The following ADGRV1 variants were observed in gnomAD, a reference collection of about 807,000 sequenced individuals.
ADGRV1 encodes the protein G-protein coupled receptor 98.
In ADGRV1, 359 loss-of-function variants were observed where a neutral mutation model predicts 596.2. That is an observed-to-expected ratio of 0.60 (90% CI 0.55 to 0.66). ADGRV1 has a LOEUF of 0.66. Ranked by LOEUF, ADGRV1 falls within the 30% of genes least tolerant of loss-of-function variation. The probability of loss-of-function intolerance (pLI) is 0.00; values close to 1 mark genes in which losing one functional copy is unlikely to be tolerated. For synonymous variants in ADGRV1, 2,681 were observed against 2,679.2 expected, an observed-to-expected ratio of 1.00 and a Z score of -0.02; for missense variants, 7,274 against 7,575.6, an observed-to-expected ratio of 0.96 and a Z score of 1.48.
At chr5:91,062,525 C>A (rs1787529483) in intron 85 of ADGRV1, among the ~76,000 whole-genome samples, 1 of 152,124 alleles carries the variant, frequency 6.6e-6, no homozygotes, top group Non-Finnish European at 1.5e-5. Context: ...ACACAGAAAC[C>A]TTATTCCTTC....
Position 90,807,704 on chromosome 5 carries a change from T to C in ADGRV1, c.14939T>C (p.Val4980Ala), listed in dbSNP as rs1465590723. The C allele has an allele frequency of 2.5e-6, 4 of 1,587,304 alleles. No homozygotes were observed. Among genetic ancestry groups the C allele is most frequent in the Admixed American group, 3.4e-5 (2 of 58,494 alleles). ...GCCTTTGTTCTTCACCTATCAGGAGTGCAGAGCAGTGCTCCTGGCGGAGCT... is the reference window on the plus strand; with the variant it reads ...GCCTTTGTTCTTCACCTATCAGGAGCGCAGAGCAGTGCTCCTGGCGGAGCT... ...PEAFVLHLSG[V>A]QSSAPGGAQL... Residue 4980 changes from valine (V) to alanine (A), a missense_variant, in exon 73 of 90, where the codon GTG (valine) becomes GCG (alanine). Physicochemically the swap from Val to Ala is moderately conservative, Grantham distance 64. Around this residue, in one of 5 missense-constraint regions of ADGRV1, gnomAD observed 1,874 missense variants for 1,970.2 expected, o/e 0.95. Coordinates refer to ENST00000405460, the MANE Select transcript of ADGRV1 (RefSeq NM_032119.4).
Position 90,694,565 on chromosome 5 carries a change from A to G in ADGRV1, c.7809A>G (p.Gln2603=). The G allele has an allele frequency of 1.2e-6, 2 of 1,613,862 alleles. No individual in the cohort carries two copies. Among genetic ancestry groups the G allele is most frequent in the Non-Finnish European group, 1.7e-6 (2 of 1,179,806 alleles). Residue 2603 remains glutamine (Q), a synonymous_variant, in exon 33 of 90, where the codon CAA becomes CAG. Coordinates refer to ENST00000405460, the MANE Select transcript of ADGRV1 (RefSeq NM_032119.4). ...GLFVEVQEQP[Q]TLVELMIHRT... ...TTGTTGAAGTTCAGGAGCAGCCCCA[A>G]ACCTTGGTGGAGCTGATGATACACA...
At chr5:90,677,924 CT>C (rs1744452364) in intron 25 of ADGRV1, among the ~76,000 whole-genome samples, 1 of 152,158 alleles carries the variant, frequency 6.6e-6, no homozygotes, top group South Asian at 2.1e-4. Context: ...GAGTCAAGGA[CT>C]TATTTCATGC....
At chr5:90,605,269 G>A (rs966761589) in intron 1 of ADGRV1, among the ~76,000 whole-genome samples, 6 of 152,050 alleles carry the variant, frequency 3.9e-5, no homozygotes, top group Admixed American at 6.6e-5. Context: ...AGAAAAATTA[G>A]CTGGGCGTGG....
intron 89 of ADGRV1, among the ~76,000 whole-genome samples, chr5:91,163,380 C>T (rs1332626917): frequency 6.6e-6 from 1 of 152,188 alleles, no homozygotes; most frequent in Non-Finnish European, 1.5e-5. Flanking sequence ...GACCTCAGTG[C>T]ATATGAATTC....
Position 90,788,257 on chromosome 5 carries a change from C to A in ADGRV1, c.13840C>A (p.Leu4614Ile). ...VEETFIIKLHLVKGEAKLDSR... is the reference protein window; with the variant it reads ...VEETFIIKLHIVKGEAKLDSR... ...AGAGACATTCATTATTAAACTTCATCTTGTGAAAGGAGAAGCTAAATTAGA... is the reference window on the plus strand; with the variant it reads ...AGAGACATTCATTATTAAACTTCATATTGTGAAAGGAGAAGCTAAATTAGA... The change falls in exon 68 of 90, where the codon CTT (leucine) becomes ATT (isoleucine). Residue 4614 changes from leucine to isoleucine, a missense_variant. Around this residue, in one of 5 missense-constraint regions of ADGRV1, gnomAD observed 3,643 missense variants for 3,809.2 expected, o/e 0.96. Coordinates refer to ENST00000405460, the MANE Select transcript of ADGRV1 (RefSeq NM_032119.4). 1 of 1,612,480 alleles carries A rather than the reference C, an allele frequency of 6.2e-7. No homozygotes were observed. Among genetic ancestry groups the A allele is most frequent in the Middle Eastern group, 1.7e-4 (1 of 6,052 alleles).
At chr5:91,137,342 T>C (rs1162868838) in intron 87 of ADGRV1, among the ~76,000 whole-genome samples, 2 of 152,148 alleles carry the variant, frequency 1.3e-5, no homozygotes. Flanking sequence ...AAATTTTCTG[T>C]TGGGAAAGTA....
rs1406349587 is a variant in ADGRV1, at chr5:90,691,027, C to G, written c.6937C>G (p.Pro2313Ala). The G allele has an allele frequency of 3.1e-6, 5 of 1,613,378 alleles. No homozygotes were observed. The Admixed American group carries it at 6.7e-5, about 22-fold the overall frequency. Residue 2313 changes from proline to alanine, a missense_variant, in exon 31 of 90, where the codon CCG becomes GCG. This residue lies in a region of ADGRV1 where 3,643 missense variants were observed against 3,809.2 expected (regional missense o/e 0.96). Coordinates refer to ENST00000405460, the MANE Select transcript of ADGRV1 (RefSeq NM_032119.4). ...GTTAGAGGTCCTGGCTGACGACGTT[C>G]CGGAGATTGAAGAGGTGAGAGGACT... Reference protein sequence around the residue: ...LLLEVLADDVPEIEEVIQVQL... With the variant: ...LLLEVLADDVAEIEEVIQVQL...
rs546022351 is a variant in ADGRV1, at chr5:90,847,770, G to A, written c.17020-867G>A. ...GCAGGGCTGGCTGGCCGCTGAATGC[G>A]GGGCCCACTGAGCCCACGCCCACCC... On this transcript the variant is annotated intron_variant, in intron 78 of 89. Coordinates refer to ENST00000405460, the MANE Select transcript of ADGRV1 (RefSeq NM_032119.4). Among the ~76,000 whole-genome samples the A allele has an allele frequency of 7.2e-5, 11 of 152,310 alleles. No individual in the cohort carries two copies. In the South Asian group the frequency reaches 1.2e-3, roughly 17 times the overall value.
rs755946315 is a variant in ADGRV1 at position 91,164,199 on chromosome 5, A to G, written c.*299A>G. 31 of 404,408 alleles carry G rather than the reference A, an allele frequency of 7.7e-5. No homozygotes were observed. The highest frequency in any genetic ancestry group is 1.2e-4 in the African/African-American group (6 of 48,848). 25.1% of individuals were successfully genotyped at this position (404,408 alleles called of 1,614,324 possible). ...CATTGTTTAATGAAAGTAATAATCA[A>G]TAAAGCAATAGAATCTATTTGGTAT... On this transcript the variant is annotated 3_prime_UTR_variant, in exon 90 of 90. Coordinates refer to ENST00000405460, the MANE Select transcript of ADGRV1 (RefSeq NM_032119.4).
intron 1 of ADGRV1, among the ~76,000 whole-genome samples, chr5:90,570,013 ATC>A (rs890988058): frequency 1.1e-4 from 16 of 152,124 alleles, no homozygotes; most frequent in Admixed American, 1.0e-3. Flanking sequence ...TTTTATATTT[ATC>A]TGTCATGTGA....
At position 90,697,114 on chromosome 5, in the gene ADGRV1, A is replaced by G. The variant is rs772116833; in HGVS notation, c.8123A>G (p.Gln2708Arg). The G allele has an allele frequency of 6.2e-7, 1 of 1,613,412 alleles. No individual in the cohort carries two copies. The highest frequency in any genetic ancestry group is 8.5e-7 in the Non-Finnish European group (1 of 1,179,426). ...NDNVAGIVSFQTASRSVIGHE... is the reference protein window; with the variant it reads ...NDNVAGIVSFRTASRSVIGHE... ...AATGTGGCAGGAATTGTTAGCTTTCAGACAGCTTCCAGATCTGTCATAGGT... is the reference window on the plus strand; with the variant it reads ...AATGTGGCAGGAATTGTTAGCTTTCGGACAGCTTCCAGATCTGTCATAGGT... The change falls in exon 34 of 90, where the codon CAG becomes CGG. Residue 2708 changes from glutamine to arginine, a missense_variant. Around this residue, in one of 5 missense-constraint regions of ADGRV1, gnomAD observed 3,643 missense variants for 3,809.2 expected, o/e 0.96. Transcript: ENST00000405460.
chr5:90,964,739 A>G (rs1423719542), intron 83 of ADGRV1, among the ~76,000 whole-genome samples: 6 of 152,024 alleles, frequency 3.9e-5, no homozygotes, highest in African/African-American at 1.4e-4. Flanking sequence ...AAAAAAAAAA[A>G]AAATGCAAAT....
chr5:91,108,722 G>A (rs73189007), intron 87 of ADGRV1, among the ~76,000 whole-genome samples: 6,258 of 151,960 alleles, frequency 0.041, 169 homozygotes, highest in East Asian at 0.13. Flanking sequence ...CCCACAAGTA[G>A]CTGAACTACA....
Position 90,725,534 on chromosome 5 carries a change from A to C in ADGRV1, c.10054-15A>C. On this transcript the variant is annotated splice_polypyrimidine_tract_variant and intron_variant, in intron 47 of 89. Coordinates refer to ENST00000405460, the MANE Select transcript of ADGRV1 (RefSeq NM_032119.4). ...AACTCTCCTTTAAGTTTTCATTCCC[A>C]CTCTGTCCTTGCAGGTACAAACAAT... 1 of 1,317,546 alleles carries C rather than the reference A, an allele frequency of 7.6e-7. No individual in the cohort carries two copies. Among genetic ancestry groups the C allele is most frequent in the South Asian group, 1.2e-5 (1 of 83,760 alleles). The allele number at this position is 1,317,546 out of a possible 1,614,324, so 81.6% of individuals were successfully genotyped here. A position where few individuals can be genotyped will look rare whatever the true frequency, so the allele number is the denominator to read the frequency against.
rs367564586 is a variant in ADGRV1, at chr5:90,817,510, A to G, written c.16196+1774A>G. On this transcript the variant is annotated intron_variant, in intron 75 of 89. Coordinates refer to ENST00000405460, the MANE Select transcript of ADGRV1 (RefSeq NM_032119.4). Reference sequence around the variant, plus strand: ...GCCCATGCCTGTGTCCTGAATGGTAATGCCTAGGTTTTCTTCTAGGGTTTT... The same window carrying G: ...GCCCATGCCTGTGTCCTGAATGGTAGTGCCTAGGTTTTCTTCTAGGGTTTT... 7.3e-5 allele frequency among the ~76,000 whole-genome samples: 11 copies of G among 151,524 alleles called. No individual in the cohort carries two copies. In the South Asian group the frequency reaches 2.1e-3, roughly 29 times the overall value.
At chr5:91,041,901 T>G (rs1190517602) in intron 85 of ADGRV1, among the ~76,000 whole-genome samples, 5 of 152,166 alleles carry the variant, frequency 3.3e-5, no homozygotes, top group African/African-American at 9.7e-5. Flanking sequence ...GCATATTATG[T>G]TAGTTTTTCC....
chr5:91,107,194 A>G (rs2973452), intron 87 of ADGRV1, among the ~76,000 whole-genome samples: 2 of 147,228 alleles, frequency 1.4e-5, no homozygotes, highest in Admixed American at 6.7e-5. Flanking sequence ...ACAGTTTGAG[A>G]AAAAAAAGTG....
intron 83 of ADGRV1, among the ~76,000 whole-genome samples, chr5:90,875,963 C>G (rs1473154918): frequency 6.6e-6 from 1 of 152,048 alleles, no homozygotes; most frequent in African/African-American, 2.4e-5. Context: ...CTATAAATAT[C>G]AAGGTTATTA....
Sources: allele counts gnomAD v4.1 joint callset (sites outside exome capture counted in the v4.1 genomes callset), GRCh38; gene constraint gnomAD v4.1.1; regional missense constraint gnomAD v4.1.1; transcripts MANE v1.5; gene names NCBI Gene and HGNC (gene_info 2026-07-23, HGNC 2026-07-21).